Variants in DAB1 observed in about 807,000 individuals in gnomAD.
DAB1 encodes the protein disabled homolog 1.
In DAB1, 15 loss-of-function variants were observed where a neutral mutation model predicts 64.6. The observed-to-expected ratio is 0.23, with a 90% CI of 0.16 to 0.36. The LOEUF is 0.36. DAB1 is among the 10% of genes least tolerant of loss of function. The probability of loss-of-function intolerance (pLI) is 1.00; values close to 1 mark genes in which losing one functional copy is unlikely to be tolerated. For missense variants in DAB1, 596 were observed against 706.7 expected (o/e 0.84, Z 1.78); for synonymous variants, 235 against 251.9 (o/e 0.93, Z 0.64).
intron 3 of DAB1, among the ~76,000 whole-genome samples, chr1:58,356,744 G>A (rs964152443): frequency 1.3e-5 from 2 of 152,088 alleles, no homozygotes; most frequent in African/African-American, 4.8e-5. Flanking sequence ...TATTTGGCTG[G>A]GTGCTGTGGC....
At chr1:58,016,489 A>G (rs975256144) in intron 5 of DAB1, among the ~76,000 whole-genome samples, 1 of 152,182 alleles carries the variant, frequency 6.6e-6, no homozygotes, top group African/African-American at 2.4e-5. Context: ...CCCCAGATAC[A>G]TATATTTTGT....
intron 1 of DAB1, among the ~76,000 whole-genome samples, chr1:57,344,336 T>C (rs1236474243): frequency 6.6e-6 from 1 of 152,206 alleles, no homozygotes; most frequent in Non-Finnish European, 1.5e-5. Flanking sequence ...TTTCTCTTAC[T>C]GTTAAAGAAA....
At chr1:58,133,863 C>T (rs192893709) in intron 5 of DAB1, among the ~76,000 whole-genome samples, 26 of 152,238 alleles carry the variant, frequency 1.7e-4, no homozygotes, top group African/African-American at 6.3e-4. Context: ...AGCAACATTG[C>T]CAATTTAATC....
At chr1:58,395,506 T>C (rs2100558860) in intron 3 of DAB1, among the ~76,000 whole-genome samples, 1 of 152,340 alleles carries the variant, frequency 6.6e-6, no homozygotes, top group South Asian at 2.1e-4. Context: ...TTTGGCTATA[T>C]CCAAGAGGCC....
chr1:56,996,140 C>T lies in DAB1; in HGVS notation c.*2004G>A, dbSNP rs992301599. On this transcript the variant is annotated 3_prime_UTR_variant, in exon 15 of 15. Coordinates refer to ENST00000371236, the MANE Select transcript of DAB1 (RefSeq NM_001365792.1). ...CATGTATCACTTTTCGCTTTGTGAA[C>T]AAGTATACAATCATTTTTCAAATGA... 1 of 152,128 alleles carries T rather than the reference C, an allele frequency of 6.6e-6. No homozygotes were observed. Among genetic ancestry groups the T allele is most frequent in the African/African-American group, 2.4e-5 (1 of 41,430 alleles). The allele number at this position is 152,128 out of a possible 1,614,324, so 9.4% of individuals were successfully genotyped here.
At chr1:57,449,771 C>G (rs962963489) in intron 7 of DAB1, among the ~76,000 whole-genome samples, 1 of 152,122 alleles carries the variant, frequency 6.6e-6, no homozygotes, top group African/African-American at 2.4e-5. Flanking sequence ...CCAATCCTAC[C>G]AAAGGCTGGA....
intron 4 of DAB1, among the ~76,000 whole-genome samples, chr1:58,268,733 T>A (rs777557317): frequency 3.2e-4 from 48 of 152,176 alleles, no homozygotes; most frequent in Non-Finnish European, 5.0e-4. Flanking sequence ...AAAATCACAA[T>A]GATAATTTTT....
intron 4 of DAB1, among the ~76,000 whole-genome samples, chr1:57,132,354 G>C (rs1052139973): frequency 6.6e-6 from 1 of 152,180 alleles, no homozygotes; most frequent in African/African-American, 2.4e-5. Context: ...CACTTTGTGA[G>C]TCTGGGTTCA....
In DAB1 at chr1:57,145,403, T is replaced by G. The variant is rs747434589; in HGVS notation, c.94A>C (p.Ile32Leu). 3.1e-6 allele frequency: 5 copies of G among 1,614,062 alleles called. No homozygotes were observed. In the South Asian group the frequency reaches 4.4e-5, roughly 14 times the overall value. ...ACCCCTTCACCTTTAAACCTCTTTA[T>G]CAAAGTGGCTTCACTGCGATCCTGA... is the stretch of plus-strand genomic sequence containing the variant. ...KGQDRSEATL[I>L]KRFKGEGVRY... The change falls in exon 3 of 15, where the codon ATA (isoleucine) becomes CTA (leucine). Residue 32 changes from isoleucine (I) to leucine (L), a missense_variant. Around this residue, in one of 3 missense-constraint regions of DAB1, gnomAD observed 43 missense variants for 39.6 expected, o/e 1.09. Coordinates refer to ENST00000371236, the MANE Select transcript of DAB1 (RefSeq NM_001365792.1).
intron 6 of DAB1, among the ~76,000 whole-genome samples, chr1:57,653,959 C>T (rs1016943326): frequency 6.6e-5 from 10 of 152,094 alleles, no homozygotes; most frequent in Non-Finnish European, 1.2e-4. Flanking sequence ...ACCAATCTGG[C>T]GTTAGTTCAC....
chr1:58,336,694 CT>C (rs962715970), intron 4 of DAB1, among the ~76,000 whole-genome samples: 23 of 148,528 alleles, frequency 1.5e-4, no homozygotes, highest in South Asian at 4.2e-4. Flanking sequence ...ATGAAGTATT[CT>C]TTTTTTTATA....
chr1:58,523,737 A>C (rs1167590767), intron 2 of DAB1, among the ~76,000 whole-genome samples: 1 of 152,092 alleles, frequency 6.6e-6, no homozygotes, highest in Non-Finnish European at 1.5e-5. Flanking sequence ...ATCTCTACTA[A>C]AAACACAAAA....
At chr1:57,135,803 A>G (rs1658031824) in intron 4 of DAB1, among the ~76,000 whole-genome samples, 1 of 152,212 alleles carries the variant, frequency 6.6e-6, no homozygotes, top group Non-Finnish European at 1.5e-5. Context: ...AGTACATGAT[A>G]GGTGATATAT....
intron 7 of DAB1, among the ~76,000 whole-genome samples, chr1:57,636,361 G>T (rs535440181): frequency 6.6e-6 from 1 of 152,258 alleles, no homozygotes; most frequent in South Asian, 2.1e-4. Context: ...GTGGTATTTT[G>T]TTATGGCAGC....
chr1:58,314,167 T>C (rs1662498259), intron 4 of DAB1, among the ~76,000 whole-genome samples: 1 of 152,106 alleles, frequency 6.6e-6, no homozygotes. Context: ...GGCAATATCT[T>C]TTAGATATGG....
intron 5 of DAB1, among the ~76,000 whole-genome samples, chr1:58,031,513 C>T (rs962985337): frequency 1.3e-5 from 2 of 152,182 alleles, no homozygotes; most frequent in Non-Finnish European, 2.9e-5. Context: ...GCTGGAAACT[C>T]AGCTCTTAGT....
intron 4 of DAB1, among the ~76,000 whole-genome samples, chr1:58,248,015 A>G (rs1660630132): frequency 6.6e-6 from 1 of 152,014 alleles, no homozygotes; most frequent in African/African-American, 2.4e-5. Context: ...AAAAGGAGCA[A>G]GGCTTTTGCT....
chr1:57,749,878 T>C (rs1412687493), intron 6 of DAB1, among the ~76,000 whole-genome samples: 1 of 152,216 alleles, frequency 6.6e-6, no homozygotes, highest in Non-Finnish European at 1.5e-5. Flanking sequence ...GCAGAGCTTT[T>C]CAATTTTGCA....
intron 4 of DAB1, among the ~76,000 whole-genome samples, chr1:58,326,018 G>A (rs1395788418): frequency 6.6e-6 from 1 of 152,110 alleles, no homozygotes; most frequent in African/African-American, 2.4e-5. Flanking sequence ...CTCTGGAGGT[G>A]GCAGGCCTAT....
Sources: allele counts gnomAD v4.1 joint callset (sites outside exome capture counted in the v4.1 genomes callset), GRCh38; gene constraint gnomAD v4.1.1; regional missense constraint gnomAD v4.1.1; transcripts MANE v1.5; gene names NCBI Gene and HGNC (gene_info 2026-07-23, HGNC 2026-07-21).